The following CHLSN variants were observed in gnomAD, a reference collection of about 807,000 sequenced individuals.
The protein encoded by CHLSN is protein cholesin.
At chr7:1,106,458 G>A in the CHLSN span, among the ~76,000 whole-genome samples, 1 of 152,236 alleles carries the variant, frequency 6.6e-6, no homozygotes, top group South Asian at 2.1e-4. Flanking sequence ...GATGCAGGAG[G>A]GGATCAACGT....
chr7:1,023,816 G>T, the CHLSN span, among the ~76,000 whole-genome samples: 1 of 152,182 alleles, frequency 6.6e-6, no homozygotes, highest in Non-Finnish European at 1.5e-5. The surrounding 1 kb of genome is among the most constrained non-coding windows in gnomAD (Gnocchi z 5.0). Context: ...CTGCAGCCCA[G>T]GCCAGGGGAC....
chr7:1,065,685 C>T, the CHLSN span, among the ~76,000 whole-genome samples: 7 of 152,294 alleles, frequency 4.6e-5, no homozygotes, highest in African/African-American at 2.4e-5. Flanking sequence ...GCGACGGAGG[C>T]GGTCTCCCTT....
the CHLSN span, among the ~76,000 whole-genome samples, chr7:1,027,460 G>A: frequency 6.6e-6 from 1 of 152,222 alleles, no homozygotes; most frequent in African/African-American, 2.4e-5. Context: ...GCCGCCACCT[G>A]CCCGGGCCAC....
At chr7:986,148 G>A in the CHLSN span, among the ~76,000 whole-genome samples, 81 of 152,274 alleles carry the variant, frequency 5.3e-4, no homozygotes, top group African/African-American at 1.8e-3. Flanking sequence ...CACTACTGGC[G>A]ATCGCGGACG....
chr7:1,023,489 T>C, the CHLSN span, among the ~76,000 whole-genome samples: 2 of 151,946 alleles, frequency 1.3e-5, no homozygotes, highest in African/African-American at 2.4e-5. The surrounding 1 kb of genome is among the most constrained non-coding windows in gnomAD (Gnocchi z 5.0). Context: ...TGGGACCCCT[T>C]GCAGGGTCCC....
the CHLSN span, among the ~76,000 whole-genome samples, chr7:1,053,678 T>C: frequency 3.9e-5 from 6 of 152,060 alleles, no homozygotes; most frequent in African/African-American, 1.4e-4. Flanking sequence ...AAATACAAAA[T>C]TAGCTGGGTG....
chr7:989,251 G>A, the CHLSN span: 2 of 191,396 alleles, frequency 1.0e-5, no homozygotes, highest in South Asian at 1.6e-4. Context: ...CAGGTCCTGG[G>A]ACTCCTGCAG....
chr7:1,001,906 G>GT, the CHLSN span, among the ~76,000 whole-genome samples: 5 of 78,090 alleles, frequency 6.4e-5, no homozygotes, highest in East Asian at 4.2e-4. Flanking sequence ...CCTGTGGGTG[G>GT]GGAGTCCTGC....
the CHLSN span, among the ~76,000 whole-genome samples, chr7:1,016,847 ACACAGCAGCACACAGCACACAGCAGCG>A: frequency 9.2e-5 from 4 of 43,568 alleles, no homozygotes; most frequent in South Asian, 2.6e-3. Context: ...GCACGCCAGC[ACACAGCAGCACACAGCACACAGCAGCG>A]CACAGCAGCA....
At chr7:1,108,609 G>A in the CHLSN span, among the ~76,000 whole-genome samples, 6 of 152,222 alleles carry the variant, frequency 3.9e-5, no homozygotes, top group African/African-American at 1.4e-4. Flanking sequence ...TCCCTGCCAT[G>A]TGTCTCCGCC....
the CHLSN span, among the ~76,000 whole-genome samples, chr7:1,105,916 C>G: frequency 2.6e-5 from 4 of 152,150 alleles, no homozygotes; most frequent in African/African-American, 9.7e-5. Flanking sequence ...TAAATCAAAT[C>G]TATGCTGAGA....
the CHLSN span, among the ~76,000 whole-genome samples, chr7:1,096,935 G>A: frequency 1.3e-5 from 2 of 152,102 alleles, no homozygotes; most frequent in African/African-American, 4.8e-5. The surrounding 1 kb of genome is among the most constrained non-coding windows in gnomAD (Gnocchi z 4.6). Context: ...TCTGTGGCGG[G>A]GTGGGAAGCC....
chr7:1,073,950 G>A, the CHLSN span, among the ~76,000 whole-genome samples: 1 of 17,474 alleles, frequency 5.7e-5, no homozygotes, highest in East Asian at 1.7e-3. Context: ...CCCTCACCCC[G>A]CTACTGTGAC....
the CHLSN span, among the ~76,000 whole-genome samples, chr7:1,012,341 G>A: frequency 6.6e-6 from 1 of 152,226 alleles, no homozygotes; most frequent in Non-Finnish European, 1.5e-5. Flanking sequence ...AAGGCTGTGG[G>A]CAACAGCAAC....
At chr7:1,096,549 C>A in the CHLSN span, among the ~76,000 whole-genome samples, 1 of 152,202 alleles carries the variant, frequency 6.6e-6, no homozygotes, top group South Asian at 2.1e-4. The surrounding 1 kb of genome is among the most constrained non-coding windows in gnomAD (Gnocchi z 4.6). Context: ...GGAGCCAGGG[C>A]AAATGTAATT....
the CHLSN span, among the ~76,000 whole-genome samples, chr7:1,137,000 T>C: frequency 1.3e-5 from 2 of 152,170 alleles, no homozygotes; most frequent in African/African-American, 4.8e-5. Context: ...CGATGGCTTT[T>C]AAACTCCTAA....
chr7:1,022,932 G>A, the CHLSN span: 13 of 456,352 alleles, frequency 2.8e-5, no homozygotes, highest in Non-Finnish European at 4.5e-5. Flanking sequence ...CCATGGTCCC[G>A]GCGCAGACAC....
chr7:1,123,296 C>T, the CHLSN span, among the ~76,000 whole-genome samples: 1 of 152,350 alleles, frequency 6.6e-6, no homozygotes, highest in Non-Finnish European at 1.5e-5. This position sits in a 1 kb window ranked among gnomAD's most constrained non-coding sequence, Gnocchi z 4.4. Context: ...GCGATCCTGG[C>T]GCAAGCTCAG....
At chr7:1,088,713 A>T in the CHLSN span, among the ~76,000 whole-genome samples, 9 of 152,320 alleles carry the variant, frequency 5.9e-5, 1 homozygote, top group South Asian at 1.9e-3. The surrounding 1 kb of genome is among the most constrained non-coding windows in gnomAD (Gnocchi z 4.5). Context: ...GCCTTTTGAC[A>T]GATGCAGACT....
Sources: allele counts gnomAD v4.1 joint callset (sites outside exome capture counted in the v4.1 genomes callset), GRCh38; gene constraint gnomAD v4.1.1; non-coding constraint Gnocchi (gnomAD v3.1); transcripts MANE v1.5; gene names NCBI Gene and HGNC (gene_info 2026-07-23, HGNC 2026-07-21).